The following CDH13 variants were observed in gnomAD, a reference collection of about 807,000 sequenced individuals.
CDH13 encodes cadherin-13.
In CDH13, 24 loss-of-function variants were observed where a neutral mutation model predicts 63.8. The observed-to-expected ratio is 0.38, with a 90% confidence interval of 0.27 to 0.53. CDH13 has a LOEUF of 0.53. Ranked by LOEUF, CDH13 falls within the 20% of genes least tolerant of loss-of-function variation. CDH13 has a pLI of 0.85. For missense variants in CDH13, 1,049 were observed against 903.1 expected (o/e 1.16, Z -2.07); for synonymous variants, 503 against 355.3 (o/e 1.42, Z -4.67).
At chr16:82,975,450 C>T (rs1291884715) in intron 2 of CDH13, among the ~76,000 whole-genome samples, 1 of 152,192 alleles carries the variant, frequency 6.6e-6, no homozygotes, top group Non-Finnish European at 1.5e-5. Flanking sequence ...ATGCTCTTAA[C>T]CTCTCTGATC....
chr16:83,178,120 G>T (rs927054898), intron 4 of CDH13, among the ~76,000 whole-genome samples: 6 of 152,114 alleles, frequency 3.9e-5, no homozygotes, highest in Non-Finnish European at 1.5e-5. Flanking sequence ...CCCTGGTTTT[G>T]GCTTCTCTGT....
Position 83,232,408 on chromosome 16 carries a change from C to G in CDH13, c.636+14911C>G, listed in dbSNP as rs183305782. Among the ~76,000 whole-genome samples, 429 of 151,848 alleles carry G rather than the reference C, an allele frequency of 2.8e-3. 4 individuals are homozygous for G. The highest frequency in any genetic ancestry group is 9.9e-3 in the African/African-American group (410 of 41,394). ...GGCATGATGGCGCATGCCTGTAATCCCAGCTACTAGGGAGGCTGAGGCAGG... is the reference window on the plus strand; with the variant it reads ...GGCATGATGGCGCATGCCTGTAATCGCAGCTACTAGGGAGGCTGAGGCAGG... On this transcript the variant is annotated intron_variant, in intron 5 of 13. Coordinates refer to ENST00000567109, the MANE Select transcript of CDH13 (RefSeq NM_001257.5).
At chr16:83,163,868 C>G (rs2037551492) in intron 4 of CDH13, among the ~76,000 whole-genome samples, 1 of 152,042 alleles carries the variant, frequency 6.6e-6, no homozygotes, top group Non-Finnish European at 1.5e-5. Flanking sequence ...TGTACCATAT[C>G]CTAACCCATC....
intron 6 of CDH13, among the ~76,000 whole-genome samples, chr16:83,457,099 A>T (rs905273176): frequency 6.6e-5 from 10 of 152,164 alleles, no homozygotes; most frequent in African/African-American, 2.2e-4. Flanking sequence ...TGGAGGATGG[A>T]GTCCAAGCCA....
At chr16:83,522,112 C>T (rs986149110) in intron 7 of CDH13, among the ~76,000 whole-genome samples, 3 of 152,162 alleles carry the variant, frequency 2.0e-5, no homozygotes, top group Non-Finnish European at 2.9e-5. Flanking sequence ...AGTGCAGGTC[C>T]AGCTCTCTGC....
At chr16:82,738,882 A>G (rs1237098814) in intron 1 of CDH13, among the ~76,000 whole-genome samples, 3 of 152,170 alleles carry the variant, frequency 2.0e-5, no homozygotes, top group African/African-American at 4.8e-5. Flanking sequence ...CTGCACCTAC[A>G]ACCCCTGGTG....
intron 6 of CDH13, among the ~76,000 whole-genome samples, chr16:83,471,832 C>T (rs534262336): frequency 1.2e-4 from 18 of 152,306 alleles, no homozygotes; most frequent in African/African-American, 4.3e-4. Flanking sequence ...CCTCTTGAGT[C>T]TCATCGAGCA....
At position 83,429,400 on chromosome 16, in the gene CDH13, G is replaced by A. The variant is rs545756605; in HGVS notation, c.782-57077G>A. Among the ~76,000 whole-genome samples, 41 of 152,234 alleles carry A rather than the reference G, an allele frequency of 2.7e-4. 1 individual carries two copies. The South Asian group carries it at 8.3e-3, about 31-fold the overall frequency. ...TGACCCATCTTTAAGGAAAGGGTTA[G>A]AACCTTCAGTCTGGATTTTATTCAT... On this transcript the variant is annotated intron_variant, in intron 6 of 13. Transcript: ENST00000567109.
chr16:82,837,733 C>A (rs768945541), intron 1 of CDH13, among the ~76,000 whole-genome samples: 5 of 152,172 alleles, frequency 3.3e-5, no homozygotes, highest in Non-Finnish European at 5.9e-5. Flanking sequence ...GGGAGCTCAT[C>A]GAGCTGGTCA....
chr16:83,014,591 A>G (rs1436639991), intron 2 of CDH13, among the ~76,000 whole-genome samples: 2 of 150,302 alleles, frequency 1.3e-5, no homozygotes, highest in Non-Finnish European at 3.0e-5. Context: ...AAATTAGCCG[A>G]GTGGTGGCCC....
At chr16:83,677,154 C>T (rs577502762) in intron 9 of CDH13, among the ~76,000 whole-genome samples, 1 of 152,304 alleles carries the variant, frequency 6.6e-6, no homozygotes, top group East Asian at 1.9e-4. Context: ...CAGAGACCCA[C>T]TCTGGGAAAT....
intron 3 of CDH13, among the ~76,000 whole-genome samples, chr16:83,122,227 C>T (rs554010792): frequency 2.1e-4 from 32 of 152,316 alleles, no homozygotes; most frequent in African/African-American, 6.3e-4. Context: ...GGTGCTAACA[C>T]GCCTTTAACA....
At chr16:82,855,251 C>T (rs2039639033) in intron 1 of CDH13, among the ~76,000 whole-genome samples, 1 of 152,108 alleles carries the variant, frequency 6.6e-6, no homozygotes, top group Non-Finnish European at 1.5e-5. Flanking sequence ...GCAAAGTAAT[C>T]TCAGAGATTG....
At chr16:82,830,528 T>A (rs913323318) in intron 1 of CDH13, among the ~76,000 whole-genome samples, 6 of 152,128 alleles carry the variant, frequency 3.9e-5, no homozygotes, top group African/African-American at 1.4e-4. Context: ...TACAGTGTCG[T>A]TTGCTTGTGA....
In CDH13 at chr16:83,164,736, A is replaced by C. The variant is rs1193748032; in HGVS notation, c.483+39235A>C. Among the ~76,000 whole-genome samples the C allele has an allele frequency of 8.6e-5, 13 of 151,886 alleles. No individual in the cohort carries two copies. The East Asian group carries it at 2.5e-3, about 29-fold the overall frequency. On this transcript the variant is annotated intron_variant, in intron 4 of 13. Transcript: ENST00000567109. ...ACTCTGTCTCAAAAAAAGAAAAAAA[A>C]AATCATCGTTTTACTGATGATATTT...
At chr16:83,615,291 T>G (rs1180926540) in intron 8 of CDH13, among the ~76,000 whole-genome samples, 1 of 152,082 alleles carries the variant, frequency 6.6e-6, no homozygotes, top group Non-Finnish European at 1.5e-5. Flanking sequence ...AATTACACAT[T>G]CTGCTTGCTC....
intron 1 of CDH13, among the ~76,000 whole-genome samples, chr16:82,750,130 G>A (rs2034348928): frequency 6.6e-6 from 1 of 152,188 alleles, no homozygotes; most frequent in Admixed American, 6.5e-5. Context: ...AGTTGAGCGG[G>A]GTGCTTTTGG....
At chr16:83,114,427 A>G (rs2035203451) in intron 3 of CDH13, among the ~76,000 whole-genome samples, 1 of 152,176 alleles carries the variant, frequency 6.6e-6, no homozygotes, top group South Asian at 2.1e-4. Flanking sequence ...TGAGTGGTGT[A>G]ATTTACAACA....
At chr16:83,469,205 G>C (rs139345992) in intron 6 of CDH13, among the ~76,000 whole-genome samples, 1 of 152,232 alleles carries the variant, frequency 6.6e-6, no homozygotes, top group African/African-American at 2.4e-5. Flanking sequence ...TGTTTTTTCA[G>C]CTTGACTTGC....
Sources: gnomAD v4.1 joint callset for allele counts (sites outside exome capture counted in the v4.1 genomes callset) on GRCh38, gnomAD v4.1.1 for gene constraint, MANE v1.5 for transcripts, NCBI Gene and HGNC (gene_info 2026-07-23, HGNC 2026-07-21) for gene names.